PASK: variants seen among roughly 807,000 people sequenced by gnomAD.
PASK encodes PAS domain-containing serine/threonine-protein kinase.
In PASK, 110 loss-of-function variants were observed where a neutral mutation model predicts 121.0. The observed-to-expected ratio is 0.91, with a 90% confidence interval of 0.78 to 1.06. The LOEUF (loss-of-function observed/expected upper bound fraction) is 1.06. PASK is among the 50% of genes least tolerant of loss of function. The pLI is 0.00. For synonymous variants in PASK, 686 were observed against 717.8 expected (o/e 0.96, Z 0.71); for missense variants, 1,643 against 1,702.3 (o/e 0.97, Z 0.61).
Position 241,123,966 on chromosome 2 carries a change from C to G in PASK, c.2887G>C (p.Gly963Arg). ...STHSTAAELTGPSLVEVLRAR... is the reference protein window; with the variant it reads ...STHSTAAELTRPSLVEVLRAR... Reference sequence around the variant, plus strand: ...ATACCCACTTCCACCAGGCTGGGTCCGGTGAGCTCAGCAGCGGTAGAGTGG... The same window carrying G: ...ATACCCACTTCCACCAGGCTGGGTCGGGTGAGCTCAGCAGCGGTAGAGTGG... The change falls in exon 11 of 18, where the codon GGA (glycine) becomes CGA (arginine). Residue 963 changes from glycine to arginine, a missense_variant. Transcript: ENST00000234040. The G allele has an allele frequency of 6.2e-7, 1 of 1,613,686 alleles. No individual in the cohort carries two copies. Among genetic ancestry groups the G allele is most frequent in the Non-Finnish European group, 8.5e-7 (1 of 1,179,948 alleles).
At chr2:241,142,795 T>C in intron 2 of PASK, 42 bp downstream of exon 2, 1 of 1,408,556 alleles carries the variant, frequency 7.1e-7, no homozygotes, top group Non-Finnish European at 1.0e-6. Context: ...TCCACATTTG[T>C]ATTTCCACGC....
At position 241,139,951 on chromosome 2, in the gene PASK, C is replaced by T; in HGVS notation, c.534G>A (p.Val178=). The T allele has an allele frequency of 6.2e-7, 1 of 1,614,188 alleles. No individual in the cohort carries two copies. Among genetic ancestry groups the T allele is most frequent in the East Asian group, 2.2e-5 (1 of 44,892 alleles). Residue 178 remains valine, a synonymous_variant, in exon 4 of 18, where the codon GTG becomes GTA. Coordinates refer to ENST00000234040, the MANE Select transcript of PASK (RefSeq NM_015148.4). The part of the protein sequence containing the change: ...TQFFLRSDSD[V]VEALSEEHME... The stretch of plus-strand genomic sequence containing the variant: ...TGTGCTCCTCGCTGAGGGCCTCCAC[C>T]ACATCAGAATCTGACCTCAGAAAGA...
At position 241,140,762 on chromosome 2, in the gene PASK, A is replaced by AGAAGC. The variant is rs766236421; in HGVS notation, c.197-14_197-10dup. ...GGAGCTCCATCTGTCTTCTGAAAAG[A>AGAAGC]GAAGCGAAGCGAAGCTTTAGACTTC... On this transcript the variant is annotated splice_polypyrimidine_tract_variant and intron_variant, in intron 2 of 17. Transcript: ENST00000234040. 1.6e-5 allele frequency: 25 copies of AGAAGC among 1,583,328 alleles called. No individual in the cohort carries two copies. The South Asian group carries it at 2.4e-4, about 15-fold the overall frequency.
intron 1 of PASK, among the ~76,000 whole-genome samples, chr2:241,143,545 C>T (rs1237820403): frequency 2.1e-5 from 3 of 146,132 alleles, no homozygotes; most frequent in African/African-American, 7.6e-5. Flanking sequence ...AGAGAGACTC[C>T]ATGTCAAAAA....
chr2:241,137,821 A>G, intron 6 of PASK, 132 bp downstream of exon 6: 1 of 942,838 alleles, frequency 1.1e-6, no homozygotes, highest in Non-Finnish European at 1.7e-6. Context: ...GCGCACAGGA[A>G]GCTCAAAACT....
In PASK at chr2:241,128,691, A is replaced by G. The variant is rs114436640; in HGVS notation, c.1464-1240T>C. On this transcript the variant is annotated intron_variant, in intron 9 of 17. Transcript: ENST00000234040. ...AGACCAGCCTGGGCAACATAGTGAG[A>G]CCTCGTCTCTACAAAACATTTAAAA... 3.4e-3 allele frequency among the ~76,000 whole-genome samples: 514 copies of G among 152,146 alleles called. 2 individuals are homozygous for G. The highest frequency in any genetic ancestry group is 5.9e-3 in the Non-Finnish European group (401 of 67,994).
chr2:241,136,744 T>C (rs950851354), intron 7 of PASK, among the ~76,000 whole-genome samples: 2 of 152,258 alleles, frequency 1.3e-5, no homozygotes, highest in African/African-American at 4.8e-5. Context: ...CCCTGGTCCA[T>C]CAGTCAGACC....
chr2:241,115,521 G>C lies in PASK; in HGVS notation c.3073-108C>G, dbSNP rs891607516. 3.1e-6 allele frequency: 4 copies of C among 1,272,996 alleles called. No homozygotes were observed. In the African/African-American group the frequency reaches 6.2e-5, roughly 20 times the overall value. The allele number at this position is 1,272,996 out of a possible 1,614,324, so 78.9% of individuals were successfully genotyped here. ...GCATCCCATTACACCAGGGCCACCC[G>C]GTCCTCAAGCATCCCATTACACCAG... On this transcript the variant is annotated intron_variant, in intron 12 of 17. Coordinates refer to ENST00000234040, the MANE Select transcript of PASK (RefSeq NM_015148.4).
chr2:241,150,123 C>A, upstream of PASK: 1 of 1,263,966 alleles, frequency 7.9e-7, no homozygotes, highest in South Asian at 2.2e-5. Flanking sequence ...CCCTCCACGC[C>A]TCCGAGGTCG....
At chr2:241,150,182 G>A, upstream of PASK, 2 of 1,279,222 alleles carry the variant, frequency 1.6e-6, no homozygotes, top group Non-Finnish European at 2.0e-6. Flanking sequence ...TCTCCACTCT[G>A]CCTAGACGTC....
intron 17 of PASK, 56 bp from the exon 18 acceptor site, chr2:241,106,779 A>ACT (rs1160116705): frequency 6.4e-7 from 1 of 1,562,034 alleles, no homozygotes; most frequent in Non-Finnish European, 8.8e-7. Context: ...GTTCTAAAAT[A>ACT]CTTTGCTTCT....
At position 241,108,633 on chromosome 2, in the gene PASK, G is replaced by A; in HGVS notation, c.3534-333C>T. 1 of 407,736 alleles carries A rather than the reference G, an allele frequency of 2.5e-6. No homozygotes were observed. The highest frequency in any genetic ancestry group is 4.7e-6 in the Non-Finnish European group (1 of 214,510). The allele number at this position is 407,736 out of a possible 1,614,324, so 25.3% of individuals were successfully genotyped here. A position where few individuals can be genotyped will look rare whatever the true frequency, so the allele number is the denominator to read the frequency against. ...GAGGAAGCAGAGTACACGTCCATTG[G>A]CTTTGCTGAGGGCCACGGGAGCTGC... On this transcript the variant is annotated intron_variant, in intron 15 of 17. Coordinates refer to ENST00000234040, the MANE Select transcript of PASK (RefSeq NM_015148.4). This position sits in a 1 kb window ranked among gnomAD's most constrained non-coding sequence, Gnocchi z 5.2.
chr2:241,120,674 T>C (rs146252023), intron 12 of PASK, among the ~76,000 whole-genome samples: 1 of 152,260 alleles, frequency 6.6e-6, no homozygotes, highest in Non-Finnish European at 1.5e-5. Flanking sequence ...AAGACAATAA[T>C]AAGTGTTGAC....
At chr2:241,131,475 T>C (rs182111694) in intron 9 of PASK, among the ~76,000 whole-genome samples, 2 of 152,328 alleles carry the variant, frequency 1.3e-5, no homozygotes, top group East Asian at 3.9e-4. Context: ...TAAACATACA[T>C]ACATACTTTA....
At chr2:241,132,294 G>A (rs550991635) in intron 9 of PASK, among the ~76,000 whole-genome samples, 1 of 151,738 alleles carries the variant, frequency 6.6e-6, no homozygotes, top group Admixed American at 6.6e-5. Flanking sequence ...GGAGGCCAAG[G>A]CGGGTGGATA....
At chr2:241,113,568 T>C in intron 14 of PASK, 1 of 238,866 alleles carries the variant, frequency 4.2e-6, no homozygotes, top group South Asian at 1.5e-4. Flanking sequence ...CATACATACT[T>C]ACATATATAT....
chr2:241,129,946 G>A (rs1032051569), intron 9 of PASK, among the ~76,000 whole-genome samples: 1 of 152,218 alleles, frequency 6.6e-6, no homozygotes, highest in Non-Finnish European at 1.5e-5. Flanking sequence ...GATGCCCAGT[G>A]TAACAATTCA....
rs147557424 is a variant in PASK, at chr2:241,127,403, C to T, written c.1512G>A (p.Ala504=). ...EGSLPVHGEQ[A]LPKDQQITAL... ...CAGTGATTTGCTGGTCCTTGGGCAG[C>T]GCCTGTTCACCGTGCACTGGCAGGC... is the stretch of plus-strand genomic sequence containing the variant. The change falls in exon 10 of 18, where the codon GCG becomes GCA. Residue 504 remains alanine (A), a synonymous_variant. Coordinates refer to ENST00000234040, the MANE Select transcript of PASK (RefSeq NM_015148.4). 536 of 1,614,014 alleles carry T rather than the reference C, an allele frequency of 3.3e-4. 5 individuals are homozygous for T. In the African/African-American group the frequency reaches 5.8e-3, roughly 18 times the overall value.
rs767271662 is a variant in PASK, at chr2:241,143,023, C to T, written c.10G>A (p.Gly4Arg). The T allele has an allele frequency of 5.6e-6, 9 of 1,613,640 alleles. No individual in the cohort carries two copies. The highest frequency in any genetic ancestry group is 3.3e-5 in the Admixed American group (2 of 60,020). Reference protein sequence around the residue: MEDGGLTAFEEDQR... With the variant: MEDRGLTAFEEDQR... Reference sequence around the variant, plus strand: ...TCCTCTTCAAAGGCTGTTAAGCCCCCGTCCTCCATGGGAAGAAGGGAGGCC... The same window carrying T: ...TCCTCTTCAAAGGCTGTTAAGCCCCTGTCCTCCATGGGAAGAAGGGAGGCC... Residue 4 changes from glycine (G) to arginine (R), a missense_variant, in exon 2 of 18, where the codon GGG becomes AGG. Physicochemically the swap from Gly to Arg is moderately radical, Grantham distance 125 (BLOSUM62 -2). Coordinates refer to ENST00000234040, the MANE Select transcript of PASK (RefSeq NM_015148.4).
Sources: allele counts gnomAD v4.1 joint callset (sites outside exome capture counted in the v4.1 genomes callset), GRCh38; gene constraint gnomAD v4.1.1; non-coding constraint Gnocchi (gnomAD v3.1); transcripts MANE v1.5; gene names NCBI Gene and HGNC (gene_info 2026-07-23, HGNC 2026-07-21).